Variants in SLC14A2 observed in about 807,000 individuals in gnomAD.
The protein encoded by SLC14A2 is urea transporter 2.
Under a neutral mutation model 104.6 loss-of-function variants are expected in SLC14A2, and 91 were observed. That is an observed-to-expected ratio of 0.87 (90% confidence interval 0.73 to 1.04). The LOEUF is 1.04. Among genes scored for constraint, SLC14A2 ranks in the 50% least tolerant of loss-of-function variants. The pLI is 0.00. For missense variants in SLC14A2, 1,189 were observed against 1,156.0 expected (o/e 1.03, Z -0.41); for synonymous variants, 476 against 466.4 (o/e 1.02, Z -0.27).
At position 45,657,782 on chromosome 18, in the gene SLC14A2, T is replaced by G. The variant is rs1247266994; in HGVS notation, c.1352-6003T>G. ...AAAATGGGAGAGCTGGACAAGATCATCTCAAAGCCTTTTTCAATTCTAACA... is the reference window on the plus strand; with the variant it reads ...AAAATGGGAGAGCTGGACAAGATCAGCTCAAAGCCTTTTTCAATTCTAACA... On this transcript the variant is annotated intron_variant, in intron 10 of 19. Coordinates refer to ENST00000255226, the MANE Select transcript of SLC14A2 (RefSeq NM_007163.4). Among the ~76,000 whole-genome samples the G allele has an allele frequency of 3.3e-5, 5 of 152,210 alleles. No individual in the cohort carries two copies. In the East Asian group the frequency reaches 5.8e-4, roughly 18 times the overall value.
intron 1 of SLC14A2, among the ~76,000 whole-genome samples, chr18:45,444,221 G>A (rs936168953): frequency 1.3e-5 from 2 of 152,206 alleles, no homozygotes; most frequent in Non-Finnish European, 2.9e-5. Context: ...CTAGAGATAA[G>A]ACAAGTTGAG....
At chr18:45,655,211 T>C (rs2045812397) in intron 10 of SLC14A2, among the ~76,000 whole-genome samples, 1 of 152,236 alleles carries the variant, frequency 6.6e-6, no homozygotes. Flanking sequence ...TGGATGTGTC[T>C]GGAAGACAAA....
intron 1 of SLC14A2, among the ~76,000 whole-genome samples, chr18:45,439,763 G>A (rs1030302785): frequency 6.6e-6 from 1 of 152,198 alleles, no homozygotes; most frequent in Admixed American, 6.5e-5. Flanking sequence ...GGGGGTGAGG[G>A]AGACACAGGA....
chr18:45,506,478 T>A (rs2043287056), intron 2 of SLC14A2, among the ~76,000 whole-genome samples: 1 of 152,106 alleles, frequency 6.6e-6, no homozygotes, highest in Non-Finnish European at 1.5e-5. Flanking sequence ...GAATAAGAGT[T>A]TTTTGCAGAC....
chr18:45,547,560 G>T (rs1454347309), intron 2 of SLC14A2, among the ~76,000 whole-genome samples: 2 of 152,226 alleles, frequency 1.3e-5, no homozygotes, highest in African/African-American at 4.8e-5. Context: ...GGAACTCTTA[G>T]CTTGGGACCT....
intron 1 of SLC14A2, among the ~76,000 whole-genome samples, chr18:45,468,211 T>TGG (rs1161824166): frequency 6.6e-6 from 1 of 151,738 alleles, no homozygotes; most frequent in Admixed American, 6.6e-5. Flanking sequence ...CAGGGGCTGG[T>TGG]GGGGCTAAAT....
At chr18:45,497,873 A>G (rs994249321) in intron 2 of SLC14A2, among the ~76,000 whole-genome samples, 9 of 152,216 alleles carry the variant, frequency 5.9e-5, no homozygotes, top group Admixed American at 5.9e-4. Context: ...TGTCCGTGCA[A>G]TCTGATTCTG....
At chr18:45,329,882 C>A (rs1341873555) in intron 1 of SLC14A2, among the ~76,000 whole-genome samples, 3 of 152,162 alleles carry the variant, frequency 2.0e-5, no homozygotes, top group Non-Finnish European at 2.9e-5. Context: ...AATTCCAAGT[C>A]ATCATGGTTT....
At chr18:45,461,570 GAAT>G (rs768639680) in intron 1 of SLC14A2, among the ~76,000 whole-genome samples, 2 of 152,158 alleles carry the variant, frequency 1.3e-5, no homozygotes, top group Non-Finnish European at 2.9e-5. Context: ...AAAGTGCCTA[GAAT>G]AGTTTCAGCT....
chr18:45,445,695 G>C (rs1186539712), intron 1 of SLC14A2, among the ~76,000 whole-genome samples: 1 of 152,202 alleles, frequency 6.6e-6, no homozygotes, highest in South Asian at 2.1e-4. Context: ...TACAGATTAG[G>C]TTAGATGAGA....
In SLC14A2 at chr18:45,668,440, T is replaced by C; in HGVS notation, c.1999T>C (p.Trp667Arg). The change falls in exon 15 of 20, where the codon TGG becomes CGG. Residue 667 changes from tryptophan to arginine, a missense_variant. By Grantham distance (101) the Trp-to-Arg change is moderately radical. Coordinates refer to ENST00000255226, the MANE Select transcript of SLC14A2 (RefSeq NM_007163.4). ...CTCAGACAAAGGTGACTACTACTGG[T>C]GGCTGTTGCTACCCGTCATCATCAT... ...VFSDKGDYYW[W>R]LLLPVIIMSM... 6.2e-7 allele frequency: 1 copy of C among 1,614,176 alleles called. No homozygotes were observed. The highest frequency in any genetic ancestry group is 2.2e-5 in the East Asian group (1 of 44,876).
At chr18:45,214,914 T>TAAAAAAAAAAAAAAAAAAAAAAAA (rs11332986) in intron 1 of SLC14A2, among the ~76,000 whole-genome samples, 1 of 113,908 alleles carries the variant, frequency 8.8e-6, no homozygotes, top group Non-Finnish European at 1.8e-5. Flanking sequence ...ACCATGTCTT[T>TAAAAAAAAAAAAAAAAAAAAAAAA]AAAAAAAAAA....
chr18:45,277,653 C>T (rs947431330), intron 1 of SLC14A2, among the ~76,000 whole-genome samples: 6 of 152,212 alleles, frequency 3.9e-5, no homozygotes, highest in Admixed American at 3.3e-4. Context: ...AAGCAATCCA[C>T]CCACCTTGGC....
At chr18:45,208,012 A>G (rs937966814), upstream of SLC14A2, among the ~76,000 whole-genome samples, 6 of 152,220 alleles carry the variant, frequency 3.9e-5, no homozygotes, top group Admixed American at 1.3e-4. Context: ...GGAGTCAGCC[A>G]TAAAACTGGG....
chr18:45,536,139 T>C (rs2043778094), intron 2 of SLC14A2, among the ~76,000 whole-genome samples: 1 of 152,180 alleles, frequency 6.6e-6, no homozygotes, highest in Non-Finnish European at 1.5e-5. Flanking sequence ...ATTGCCTATG[T>C]GAGAGAAAAC....
At chr18:45,582,967 A>C (rs1361967010) in intron 2 of SLC14A2, among the ~76,000 whole-genome samples, 4 of 151,986 alleles carry the variant, frequency 2.6e-5, no homozygotes, top group African/African-American at 9.7e-5. Flanking sequence ...CCACCCACCC[A>C]CCAGGGTCTA....
chr18:45,467,765 T>C (rs2087170607), intron 1 of SLC14A2, among the ~76,000 whole-genome samples: 1 of 152,114 alleles, frequency 6.6e-6, no homozygotes, highest in Non-Finnish European at 1.5e-5. Context: ...CATCGGTAAA[T>C]GTTACCAACC....
intron 1 of SLC14A2, among the ~76,000 whole-genome samples, chr18:45,288,787 C>T (rs1599646177): frequency 2.0e-5 from 3 of 152,316 alleles, no homozygotes; most frequent in South Asian, 2.1e-4. Context: ...TTGATCATGC[C>T]ATGCCCAGTC....
intron 2 of SLC14A2, among the ~76,000 whole-genome samples, chr18:45,565,425 C>T (rs931764833): frequency 3.9e-5 from 6 of 152,106 alleles, no homozygotes; most frequent in East Asian, 2.0e-4. Context: ...CACACCCAGC[C>T]GCATGCATGT....
Sources: gnomAD v4.1 joint callset for allele counts (sites outside exome capture counted in the v4.1 genomes callset) on GRCh38, gnomAD v4.1.1 for gene constraint, MANE v1.5 for transcripts, NCBI Gene and HGNC (gene_info 2026-07-23, HGNC 2026-07-21) for gene names.